Variants in VAMP4 observed in about 807,000 individuals in gnomAD.
The protein encoded by VAMP4 is vesicle associated membrane protein 4, also known as vesicle-associated membrane protein 4.
VAMP4 carries 19 observed loss-of-function variants against 23.5 expected under a neutral mutation model. The observed-to-expected ratio is 0.81, with a 90% confidence interval of 0.56 to 1.19. The LOEUF is 1.19. Ranked by LOEUF, VAMP4 falls within the 50% of genes most tolerant of loss-of-function variation. The pLI, the probability that VAMP4 is intolerant of heterozygous loss-of-function variation, is 0.00. For synonymous variants in VAMP4, 31 were observed against 51.0 expected, an observed-to-expected ratio of 0.61 and a Z score of 1.67; for missense variants, 145 against 168.6, an observed-to-expected ratio of 0.86 and a Z score of 0.78.
chr1:171,712,005 C>T (rs1654862827), intron 4 of VAMP4, among the ~76,000 whole-genome samples: 1 of 152,212 alleles, frequency 6.6e-6, no homozygotes, highest in Non-Finnish European at 1.5e-5. Flanking sequence ...AGCTTAGGAG[C>T]TATAAGCCAT....
chr1:171,722,443 G>C (rs1655225768), intron 3 of VAMP4, among the ~76,000 whole-genome samples: 1 of 152,108 alleles, frequency 6.6e-6, no homozygotes, highest in East Asian at 1.9e-4. Context: ...CACAGCAAAA[G>C]AAACTACCAT....
At chr1:171,720,026 TG>T (rs1454748494) in intron 3 of VAMP4, among the ~76,000 whole-genome samples, 1 of 151,520 alleles carries the variant, frequency 6.6e-6, no homozygotes, top group Non-Finnish European at 1.5e-5. Context: ...AAAAAAATTT[TG>T]GAAAAAAAAA....
chr1:171,703,449 A>ATG lies in VAMP4; in HGVS notation c.*1056_*1057insCA, dbSNP rs1370463634. 20 of 112,022 alleles carry ATG rather than the reference A, an allele frequency of 1.8e-4. No individual in the cohort carries two copies. Among genetic ancestry groups the ATG allele is most frequent in the African/African-American group, 6.9e-4 (20 of 28,862 alleles). 6.9% of individuals were successfully genotyped at this position (112,022 alleles called of 1,614,324 possible). On this transcript the variant is annotated 3_prime_UTR_variant, in exon 8 of 8. Transcript: ENST00000236192. ...TGTATATATATATATATATATATAT[A>ATG]TATATATATATATATATATACACAT...
chr1:171,741,669 C>T (rs1010127198), intron 1 of VAMP4, among the ~76,000 whole-genome samples: 4 of 152,026 alleles, frequency 2.6e-5, no homozygotes, highest in Non-Finnish European at 4.4e-5. Context: ...CCCAGAGTAC[C>T]CCTCAATTCC....
At chr1:171,734,371 T>C (rs963209775) in intron 2 of VAMP4, among the ~76,000 whole-genome samples, 1 of 151,832 alleles carries the variant, frequency 6.6e-6, no homozygotes, top group African/African-American at 2.4e-5. Context: ...AAAGGCTATA[T>C]GTTATATGAT....
intron 1 of VAMP4, among the ~76,000 whole-genome samples, chr1:171,741,124 T>C (rs776170477): frequency 2.6e-5 from 4 of 152,250 alleles, no homozygotes; most frequent in Admixed American, 6.5e-5. Context: ...ACATTGAGGA[T>C]AGACCACCAC....
In VAMP4 at chr1:171,701,979, T is replaced by C. The variant is rs1183434109; in HGVS notation, c.*2527A>G. 1 of 152,110 alleles carries C rather than the reference T, an allele frequency of 6.6e-6. No homozygotes were observed. The highest frequency in any genetic ancestry group is 2.4e-5 in the African/African-American group (1 of 41,444). The allele number at this position is 152,110 out of a possible 1,614,324, so 9.4% of individuals were successfully genotyped here. A position where few individuals can be genotyped will look rare whatever the true frequency, so the allele number is the denominator to read the frequency against. On this transcript the variant is annotated 3_prime_UTR_variant, in exon 8 of 8. Coordinates refer to ENST00000236192, the MANE Select transcript of VAMP4 (RefSeq NM_003762.5). ...CGTGATTTCACTGAGTATCAACTAG[T>C]ATTTGCAAAGCTACTTGAATTTTTC...
chr1:171,701,978 G>C lies in VAMP4; in HGVS notation c.*2528C>G, dbSNP rs1654466269. ...ACGTGATTTCACTGAGTATCAACTA[G>C]TATTTGCAAAGCTACTTGAATTTTT... On this transcript the variant is annotated 3_prime_UTR_variant, in exon 8 of 8. Transcript: ENST00000236192. The C allele has an allele frequency of 6.6e-6, 1 of 152,076 alleles. No individual in the cohort carries two copies. The highest frequency in any genetic ancestry group is 6.6e-5 in the Admixed American group (1 of 15,258). The allele number at this position is 152,076 out of a possible 1,614,324, so 9.4% of individuals were successfully genotyped here. A position where few individuals can be genotyped will look rare whatever the true frequency, so the allele number is the denominator to read the frequency against.
chr1:171,719,120 CTA>C, intron 4 of VAMP4, 49 bp downstream of exon 4: 1 of 1,554,334 alleles, frequency 6.4e-7, no homozygotes. Flanking sequence ...TTGCCAATCT[CTA>C]GTCTACACAG....
intron 2 of VAMP4, among the ~76,000 whole-genome samples, chr1:171,730,661 T>C (rs1329013141): frequency 6.8e-6 from 1 of 147,218 alleles, no homozygotes; most frequent in Non-Finnish European, 1.5e-5. Context: ...CATTAAAATA[T>C]AAAGTTAGTA....
intron 3 of VAMP4, among the ~76,000 whole-genome samples, chr1:171,726,209 G>A (rs1655364607): frequency 6.6e-6 from 1 of 151,738 alleles, no homozygotes; most frequent in African/African-American, 2.4e-5. Context: ...GTGCCACCAT[G>A]CCTGGCTAAT....
chr1:171,725,874 A>G (rs533404676), intron 3 of VAMP4, among the ~76,000 whole-genome samples: 31 of 151,986 alleles, frequency 2.0e-4, no homozygotes, highest in Admixed American at 5.9e-4. Flanking sequence ...TATTTTCAGC[A>G]GAGACGTTTC....
At chr1:171,722,924 T>C (rs1348974118) in intron 3 of VAMP4, among the ~76,000 whole-genome samples, 2 of 152,068 alleles carry the variant, frequency 1.3e-5, no homozygotes, top group Non-Finnish European at 1.5e-5. Context: ...CAAAGGATTA[T>C]ATCAAGGGAA....
chr1:171,732,694 C>T (rs1421794189), intron 2 of VAMP4, among the ~76,000 whole-genome samples: 1 of 151,994 alleles, frequency 6.6e-6, no homozygotes, highest in African/African-American at 2.4e-5. Context: ...GAAAATGGGA[C>T]CTTAGACATA....
intron 3 of VAMP4, 68 bp from the exon 4 acceptor site, chr1:171,719,289 GAA>G (rs1655115698): frequency 1.3e-5 from 18 of 1,336,874 alleles, no homozygotes; most frequent in Non-Finnish European, 1.9e-5. Context: ...AAAAAAGATA[GAA>G]AGTATACACA....
chr1:171,740,736 A>C (rs988948559), intron 1 of VAMP4, among the ~76,000 whole-genome samples: 1 of 152,224 alleles, frequency 6.6e-6, no homozygotes, highest in Admixed American at 6.5e-5. Context: ...AACCCCTGCA[A>C]TGAGGCTGCC....
Position 171,742,033 on chromosome 1 carries a change from G to C in VAMP4, c.-173C>G, listed in dbSNP as rs527810034. 4 of 152,258 alleles carry C rather than the reference G, an allele frequency of 2.6e-5. No individual in the cohort carries two copies. The highest frequency in any genetic ancestry group is 7.2e-5 in the African/African-American group (3 of 41,524). The allele number at this position is 152,258 out of a possible 1,614,324, so 9.4% of individuals were successfully genotyped here. ...AGACAGTTGGTGCGGACCCGGCGTC[G>C]GCCGCAGCGCCGCAGCAGCGCCTCC... On this transcript the variant is annotated 5_prime_UTR_variant, in exon 1 of 8. Coordinates refer to ENST00000236192, the MANE Select transcript of VAMP4 (RefSeq NM_003762.5).
At chr1:171,732,927 C>A (rs1054682325) in intron 2 of VAMP4, among the ~76,000 whole-genome samples, 1 of 151,958 alleles carries the variant, frequency 6.6e-6, no homozygotes, top group African/African-American at 2.4e-5. Context: ...AGACAAAAGA[C>A]CTGATGTCTG....
chr1:171,729,462 A>C (rs1655488598), intron 2 of VAMP4, among the ~76,000 whole-genome samples: 1 of 152,180 alleles, frequency 6.6e-6, no homozygotes, highest in Admixed American at 6.5e-5. Context: ...TGCATGAAAC[A>C]AAGTTTTGAC....
Sources: gnomAD v4.1 joint callset for allele counts (sites outside exome capture counted in the v4.1 genomes callset) on GRCh38, gnomAD v4.1.1 for gene constraint, MANE v1.5 for transcripts, NCBI Gene and HGNC (gene_info 2026-07-23, HGNC 2026-07-21) for gene names.